Variants in AFF2 observed in about 807,000 individuals in gnomAD.
The protein encoded by AFF2 is ALF transcription elongation factor 2.
In AFF2, 14 loss-of-function variants were observed where a neutral mutation model predicts 76.9. That is an observed-to-expected ratio of 0.18 (90% CI 0.12 to 0.28). The LOEUF is 0.28. AFF2 is among the 10% of genes least tolerant of loss of function. The pLI, the probability that AFF2 is intolerant of heterozygous loss-of-function variation, is 1.00. For missense variants in AFF2, 868 were observed against 1,001.1 expected, an observed-to-expected ratio of 0.87 and a Z score of 1.79; for synonymous variants, 398 against 366.7, an observed-to-expected ratio of 1.09 and a Z score of -0.98.
At chrX:148,633,342 C>T (rs1270076829) in intron 1 of AFF2, among the ~76,000 whole-genome samples, 1 of 111,450 alleles carries the variant, frequency 9.0e-6, no homozygotes, top group African/African-American at 3.3e-5. Flanking sequence ...TTGGATGAAA[C>T]GTGGGACAGT....
chrX:148,833,163 A>T lies in AFF2; in HGVS notation c.1087-4484A>T, dbSNP rs782192293. Among the ~76,000 whole-genome samples, 3 of 111,343 alleles carry T rather than the reference A, an allele frequency of 2.7e-5. No individual in the cohort carries two copies. In the South Asian group the frequency reaches 1.1e-3, roughly 43 times the overall value. Reference sequence around the variant, plus strand: ...CAAAAACACTGCTCCTCTCACTTCAACTATTGAAGCCTTTTCCAAATGCCT... The same window carrying T: ...CAAAAACACTGCTCCTCTCACTTCATCTATTGAAGCCTTTTCCAAATGCCT... On this transcript the variant is annotated intron_variant, in intron 4 of 20. Coordinates refer to ENST00000370460, the MANE Select transcript of AFF2 (RefSeq NM_002025.4).
At chrX:148,951,027 T>C (rs908445753) in intron 9 of AFF2, among the ~76,000 whole-genome samples, 1 of 111,861 alleles carries the variant, frequency 8.9e-6, no homozygotes, top group Admixed American at 9.5e-5. Flanking sequence ...TAAGGGGTGC[T>C]TATCCAGATC....
chrX:148,578,121 A>G (rs966044057), intron 1 of AFF2, among the ~76,000 whole-genome samples: 3 of 112,172 alleles, frequency 2.7e-5, no homozygotes, highest in Non-Finnish European at 3.8e-5. Flanking sequence ...GAAAATTCCA[A>G]TTGGAGGTGT....
At chrX:148,875,957 G>A (rs1412376842) in intron 7 of AFF2, among the ~76,000 whole-genome samples, 5 of 111,728 alleles carry the variant, frequency 4.5e-5, no homozygotes, top group Non-Finnish European at 7.5e-5. Context: ...AGTTGATATA[G>A]TAATATTAAA....
At chrX:148,921,169 G>A (rs970517262) in intron 9 of AFF2, among the ~76,000 whole-genome samples, 3 of 108,715 alleles carry the variant, frequency 2.8e-5, no homozygotes, top group East Asian at 2.8e-4. Context: ...GGTCAGCATC[G>A]TTAGTAATGT....
chrX:148,634,607 T>C (rs1226883712), intron 1 of AFF2, among the ~76,000 whole-genome samples: 1 of 112,112 alleles, frequency 8.9e-6, no homozygotes, highest in Non-Finnish European at 1.9e-5. Context: ...CCCTCTTCTC[T>C]CCCTCTCTCA....
intron 3 of AFF2, among the ~76,000 whole-genome samples, chrX:148,709,695 A>G (rs887917593): frequency 2.7e-5 from 3 of 112,132 alleles, no homozygotes; most frequent in African/African-American, 9.7e-5. Context: ...GTGCACACAC[A>G]TAGTGTGGCA....
At chrX:148,544,232 C>G (rs868943478) in intron 1 of AFF2, among the ~76,000 whole-genome samples, 2 of 112,572 alleles carry the variant, frequency 1.8e-5, no homozygotes, top group African/African-American at 6.5e-5. Context: ...AAAATACTCA[C>G]CGCTTAAATA....
intron 1 of AFF2, among the ~76,000 whole-genome samples, chrX:148,570,530 TG>T (rs2053217609): frequency 8.9e-6 from 1 of 112,026 alleles, no homozygotes; most frequent in African/African-American, 3.2e-5. Context: ...GGCATGCAGA[TG>T]TGACTGAAAG....
intron 3 of AFF2, among the ~76,000 whole-genome samples, chrX:148,787,004 T>C (rs2069829739): frequency 8.9e-6 from 1 of 112,110 alleles, no homozygotes; most frequent in South Asian, 3.7e-4. Flanking sequence ...CACTAATGAT[T>C]ATATACATGC....
intron 8 of AFF2, among the ~76,000 whole-genome samples, chrX:148,891,077 A>G (rs1306386679): frequency 8.9e-6 from 1 of 111,919 alleles, no homozygotes; most frequent in African/African-American, 3.2e-5. Flanking sequence ...TCATAGATAT[A>G]AAATCCAGCC....
At chrX:148,768,008 G>A (rs1304390133) in intron 3 of AFF2, among the ~76,000 whole-genome samples, 6 of 108,213 alleles carry the variant, frequency 5.5e-5, no homozygotes, top group African/African-American at 2.0e-4. Flanking sequence ...CGCCCTGGGA[G>A]GCTGACTGGT....
intron 3 of AFF2, among the ~76,000 whole-genome samples, chrX:148,789,163 A>G (rs192567703): frequency 9.0e-4 from 101 of 112,340 alleles, no homozygotes; most frequent in Non-Finnish European, 1.9e-4. Flanking sequence ...TGTTTCCTCC[A>G]TAGAGATATA....
intron 7 of AFF2, among the ~76,000 whole-genome samples, chrX:148,856,458 C>G (rs2124031248): frequency 9.0e-6 from 1 of 111,279 alleles, no homozygotes; most frequent in South Asian, 3.8e-4. Context: ...GAACTTATGT[C>G]TGGTTGACTC....
chrX:148,574,337 T>G (rs1477083529), intron 1 of AFF2, among the ~76,000 whole-genome samples: 2 of 111,003 alleles, frequency 1.8e-5, no homozygotes, highest in Non-Finnish European at 3.8e-5. Flanking sequence ...AGTCGGGCCT[T>G]TGTGAATGGA....
At chrX:148,988,222 G>A (rs1270606342) in intron 20 of AFF2, among the ~76,000 whole-genome samples, 2 of 112,084 alleles carry the variant, frequency 1.8e-5, no homozygotes, top group African/African-American at 6.5e-5. Flanking sequence ...CCCTAATGAA[G>A]GTGGGAAGTA....
rs1231357082 is a variant in AFF2, at chrX:148,913,500, A to C, written c.1397+9242A>C. Among the ~76,000 whole-genome samples the C allele has an allele frequency of 4.5e-5, 5 of 111,535 alleles. No homozygotes were observed. In the Admixed American group the frequency reaches 4.8e-4, roughly 11 times the overall value. On this transcript the variant is annotated intron_variant, in intron 9 of 20. Coordinates refer to ENST00000370460, the MANE Select transcript of AFF2 (RefSeq NM_002025.4). ...ACACGTTAGTTGCCAAATTACCATC[A>C]CTCATCTTTCCAAAAGTTTTATGAG...
chrX:148,786,560 C>T (rs782766054), intron 3 of AFF2, among the ~76,000 whole-genome samples: 2 of 111,774 alleles, frequency 1.8e-5, no homozygotes, highest in African/African-American at 3.3e-5. Flanking sequence ...GTCCGCATAT[C>T]CCCTTCCCTC....
At chrX:148,666,478 G>A (rs1420295813) in intron 3 of AFF2, among the ~76,000 whole-genome samples, 2 of 110,066 alleles carry the variant, frequency 1.8e-5, no homozygotes, top group South Asian at 3.9e-4. Flanking sequence ...CCAGCTACTC[G>A]GGAGGCTGAG....
Sources: allele counts gnomAD v4.1 joint callset (sites outside exome capture counted in the v4.1 genomes callset), GRCh38; gene constraint gnomAD v4.1.1; transcripts MANE v1.5; gene names NCBI Gene and HGNC (gene_info 2026-07-23, HGNC 2026-07-21).